Variants in KIF21A observed in about 807,000 individuals in gnomAD.
KIF21A encodes the protein kinesin family member 21A.
A neutral mutation model predicts 202.9 loss-of-function variants in KIF21A; 114 were observed. The ratio of observed to expected loss-of-function variants is 0.56; its 90% confidence interval spans 0.48 to 0.66. The LOEUF (loss-of-function observed/expected upper bound fraction) is 0.66. Among genes scored for constraint, KIF21A ranks in the 30% least tolerant of loss-of-function variants. The pLI is 0.00. For synonymous variants in KIF21A, 667 were observed against 670.8 expected, an observed-to-expected ratio of 0.99 and a Z score of 0.09; for missense variants, 1,677 against 1,994.9, an observed-to-expected ratio of 0.84 and a Z score of 3.04.
At chr12:39,325,589 G>T (rs147034489) in intron 26 of KIF21A, among the ~76,000 whole-genome samples, 2 of 146,900 alleles carry the variant, frequency 1.4e-5, no homozygotes, top group Non-Finnish European at 3.0e-5. Context: ...CTGATCATCC[G>T]CCTTGGCCTC....
chr12:39,430,575 A>C (rs2140345127), intron 1 of KIF21A, among the ~76,000 whole-genome samples: 1 of 152,196 alleles, frequency 6.6e-6, no homozygotes, highest in East Asian at 1.9e-4. Context: ...TCAAAAAAAA[A>C]AAAAGAAAGA....
At chr12:39,343,328 C>A (rs1947607022) in intron 12 of KIF21A, among the ~76,000 whole-genome samples, 1 of 151,980 alleles carries the variant, frequency 6.6e-6, no homozygotes, top group Admixed American at 6.6e-5. Context: ...CCACTGCACT[C>A]TAGCCCGGGC....
chr12:39,371,241 G>A (rs1252261862), intron 1 of KIF21A, among the ~76,000 whole-genome samples: 1 of 152,106 alleles, frequency 6.6e-6, no homozygotes, highest in Non-Finnish European at 1.5e-5. Context: ...GTATAGAAAA[G>A]CAGAATTTTA....
rs1483594010 is a variant in KIF21A at position 39,370,087 on chromosome 12, A to T, written c.219T>A (p.Ile73=). ...QIYIQCIEKL[I]EGCFEGYNAT... is the part of the protein sequence containing the mutation. The stretch of plus-strand genomic sequence containing the variant: ...CATTGTATCCTTCAAAGCAACCTTC[A>T]ATTAGTTTTTCTATACATTGAATGT... Residue 73 remains isoleucine, a synonymous_variant, in exon 2 of 38, where the codon ATT becomes ATA. Coordinates refer to ENST00000361418, the MANE Select transcript of KIF21A (RefSeq NM_001173464.2). 1.1e-5 allele frequency: 18 copies of T among 1,613,714 alleles called. No individual in the cohort carries two copies. The highest frequency in any genetic ancestry group is 1.5e-5 in the Non-Finnish European group (18 of 1,179,834).
intron 24 of KIF21A, among the ~76,000 whole-genome samples, chr12:39,329,891 C>G (rs187863693): frequency 6.6e-6 from 1 of 151,582 alleles, no homozygotes; most frequent in East Asian, 1.9e-4. Flanking sequence ...CATAGATGTA[C>G]GTTAATAGAT....
At chr12:39,418,385 T>C (rs904658938) in intron 1 of KIF21A, among the ~76,000 whole-genome samples, 1 of 152,158 alleles carries the variant, frequency 6.6e-6, no homozygotes, top group African/African-American at 2.4e-5. Flanking sequence ...TAGCAAACAT[T>C]GTTCAATCCC....
chr12:39,325,785 G>T, intron 26 of KIF21A, 54 bp downstream of exon 26: 1 of 1,228,310 alleles, frequency 8.1e-7, no homozygotes, highest in Non-Finnish European at 1.2e-6. Context: ...GTTAAATAGT[G>T]ATAACAAATA....
chr12:39,366,249 T>A, intron 6 of KIF21A, 101 bp downstream of exon 6: 1 of 1,026,142 alleles, frequency 9.7e-7, no homozygotes, highest in South Asian at 1.3e-5. Flanking sequence ...ATTTCTTGGT[T>A]CAGTATCTGA....
At chr12:39,399,320 G>A (rs1433262165) in intron 1 of KIF21A, among the ~76,000 whole-genome samples, 2 of 152,182 alleles carry the variant, frequency 1.3e-5, no homozygotes, top group Middle Eastern at 3.2e-3. Flanking sequence ...GCCATTTTAT[G>A]TAAGGGACTT....
chr12:39,359,115 A>C (rs1401233904), intron 7 of KIF21A, among the ~76,000 whole-genome samples: 1 of 152,170 alleles, frequency 6.6e-6, no homozygotes, highest in African/African-American at 2.4e-5. Flanking sequence ...ATCCTGGTAG[A>C]AAAATCAATG....
chr12:39,307,699 A>G lies in KIF21A; in HGVS notation c.4308T>C (p.Ala1436=). ...CTGTTCGACTGGTACTTGCAGAACA[A>G]GCATCTCCAAGAGTAACTTGACCTG... ...TSSGQVTLGD[A]CSASTSRTVA... is the part of the protein sequence containing the mutation. The change falls in exon 34 of 38, where the codon GCT becomes GCC. Residue 1436 remains alanine, a synonymous_variant. Transcript: ENST00000361418. 1 of 1,614,084 alleles carries G rather than the reference A, an allele frequency of 6.2e-7. No individual in the cohort carries two copies. Among genetic ancestry groups the G allele is most frequent in the Non-Finnish European group, 8.5e-7 (1 of 1,179,958 alleles).
chr12:39,303,229 AT>A, intron 35 of KIF21A, 94 bp from the exon 36 acceptor site: 14 of 993,124 alleles, frequency 1.4e-5, no homozygotes, highest in South Asian at 2.7e-5. Flanking sequence ...ATGTATGTTA[AT>A]CAGACATGAC....
At chr12:39,388,051 A>C (rs1265372185) in intron 1 of KIF21A, among the ~76,000 whole-genome samples, 2 of 152,118 alleles carry the variant, frequency 1.3e-5, no homozygotes, top group Admixed American at 6.6e-5. Context: ...CAGGTCCTCT[A>C]TTGGAATTTG....
intron 1 of KIF21A, among the ~76,000 whole-genome samples, chr12:39,380,053 C>A (rs531461365): frequency 6.6e-6 from 1 of 152,164 alleles, no homozygotes; most frequent in African/African-American, 2.4e-5. Context: ...CTGCAACCTC[C>A]GCCTCCCAGG....
chr12:39,299,005 G>A (rs536245671), intron 37 of KIF21A, among the ~76,000 whole-genome samples: 1 of 152,192 alleles, frequency 6.6e-6, no homozygotes, highest in South Asian at 2.1e-4. Flanking sequence ...TATTAAATAA[G>A]TAAGTAGAAC....
At chr12:39,437,501 G>A (rs1415474978) in intron 1 of KIF21A, among the ~76,000 whole-genome samples, 1 of 152,148 alleles carries the variant, frequency 6.6e-6, no homozygotes, top group Non-Finnish European at 1.5e-5. Flanking sequence ...AGACATATAA[G>A]TAGGGCATGA....
At position 39,380,580 on chromosome 12, in the gene KIF21A, G is replaced by A. The variant is rs1412027969; in HGVS notation, c.45-10319C>T. Among the ~76,000 whole-genome samples the A allele has an allele frequency of 3.9e-5, 6 of 152,214 alleles. No individual in the cohort carries two copies. The East Asian group carries it at 9.6e-4, about 24-fold the overall frequency. On this transcript the variant is annotated intron_variant, in intron 1 of 37. Coordinates refer to ENST00000361418, the MANE Select transcript of KIF21A (RefSeq NM_001173464.2). ...ATTTTTAAAACTGAAAGGAAACTGA[G>A]TGTGGTGGCTCGAGCCTGTAGTCCC...
chr12:39,438,578 T>C (rs747427159), intron 1 of KIF21A, among the ~76,000 whole-genome samples: 12 of 152,124 alleles, frequency 7.9e-5, no homozygotes, highest in Non-Finnish European at 1.3e-4. Flanking sequence ...TTTGGTAAGG[T>C]GAAAACCTAG....
Position 39,442,481 on chromosome 12 carries a change from G to T in KIF21A, c.44+446C>A, listed in dbSNP as rs1939782524. Reference sequence around the variant, plus strand: ...GATGCTTTGTCTCCTGCCTGGGAAGGCCGGAGCTGCATGGACACGTATGAC... The same window carrying T: ...GATGCTTTGTCTCCTGCCTGGGAAGTCCGGAGCTGCATGGACACGTATGAC... On this transcript the variant is annotated intron_variant, in intron 1 of 37. Transcript: ENST00000361418. This position sits in a 1 kb window ranked among gnomAD's most constrained non-coding sequence, Gnocchi z 5.0. Among the ~76,000 whole-genome samples, 1 of 152,126 alleles carries T rather than the reference G, an allele frequency of 6.6e-6. No individual in the cohort carries two copies. The highest frequency in any genetic ancestry group is 1.5e-5 in the Non-Finnish European group (1 of 67,996).
Sources: gnomAD v4.1 joint callset for allele counts (sites outside exome capture counted in the v4.1 genomes callset) on GRCh38, gnomAD v4.1.1 for gene constraint, Gnocchi (gnomAD v3.1) non-coding constraint, MANE v1.5 for transcripts, NCBI Gene and HGNC (gene_info 2026-07-23, HGNC 2026-07-21) for gene names.